Variants in TENM4 observed in about 807,000 individuals in gnomAD.
The protein encoded by TENM4 is teneurin transmembrane protein 4.
In TENM4, 82 loss-of-function variants were observed where a neutral mutation model predicts 243.3. That is an observed-to-expected ratio of 0.34 (90% CI 0.28 to 0.40). TENM4 has a LOEUF of 0.40. TENM4 is among the 10% of genes least tolerant of loss of function. The probability of loss-of-function intolerance (pLI) is 1.00; values close to 1 mark genes in which losing one functional copy is unlikely to be tolerated. For synonymous variants in TENM4, 1,412 were observed against 1,456.3 expected, an observed-to-expected ratio of 0.97 and a Z score of 0.69; for missense variants, 3,138 against 3,673.3, an observed-to-expected ratio of 0.85 and a Z score of 3.77.
intron 3 of TENM4, among the ~76,000 whole-genome samples, chr11:79,189,830 T>G (rs1365531141): frequency 6.6e-6 from 1 of 152,222 alleles, no homozygotes; most frequent in African/African-American, 2.4e-5. Context: ...CCTGCTGGTT[T>G]TGCCAACTCA....
intron 6 of TENM4, among the ~76,000 whole-genome samples, chr11:78,974,000 G>A (rs1857599323): frequency 6.6e-6 from 1 of 152,064 alleles, no homozygotes; most frequent in Non-Finnish European, 1.5e-5. Context: ...CTAAGGGACA[G>A]CAAGGAAGCT....
intron 20 of TENM4, among the ~76,000 whole-genome samples, chr11:78,733,393 G>T (rs544808113): frequency 6.6e-6 from 1 of 152,170 alleles, no homozygotes; most frequent in Non-Finnish European, 1.5e-5. Flanking sequence ...AAATGGGTTT[G>T]CTCTATGATG....
intron 2 of TENM4, among the ~76,000 whole-genome samples, chr11:79,254,318 G>A (rs1429246613): frequency 6.6e-6 from 1 of 152,200 alleles, no homozygotes; most frequent in Non-Finnish European, 1.5e-5. Context: ...AAAATATGCA[G>A]CAGTTAACAA....
At chr11:78,879,295 G>A (rs7120358) in intron 9 of TENM4, among the ~76,000 whole-genome samples, 30,123 of 105,968 alleles carry the variant, frequency 0.28, 2,033 homozygotes, top group Middle Eastern at 0.36. Context: ...TGTGAGGAGC[G>A]CCTTTGCCCA....
intron 28 of TENM4, among the ~76,000 whole-genome samples, chr11:78,689,591 C>T (rs1366720761): frequency 6.6e-6 from 1 of 152,142 alleles, no homozygotes; most frequent in Non-Finnish European, 1.5e-5. Context: ...TGTCCAGGCT[C>T]TTCCTTCAGC....
At chr11:79,392,811 A>G (rs1858263467) in intron 1 of TENM4, among the ~76,000 whole-genome samples, 1 of 152,198 alleles carries the variant, frequency 6.6e-6, no homozygotes. Context: ...TGCTTCAGTC[A>G]CCCATCCTGA....
At chr11:79,153,532 C>G (rs2135063240) in intron 3 of TENM4, among the ~76,000 whole-genome samples, 1 of 152,286 alleles carries the variant, frequency 6.6e-6, no homozygotes, top group South Asian at 2.1e-4. Context: ...GACAACCTGT[C>G]TCCCTTCTCT....
chr11:79,297,447 G>A (rs1282159400), intron 2 of TENM4, 41 bp downstream of exon 2: 1 of 152,674 alleles, frequency 6.5e-6, no homozygotes, highest in African/African-American at 2.4e-5. Context: ...CAGACTAGAA[G>A]CATATCTTGT....
intron 4 of TENM4, among the ~76,000 whole-genome samples, chr11:79,112,041 G>A (rs1244603937): frequency 6.6e-6 from 1 of 152,174 alleles, no homozygotes; most frequent in African/African-American, 2.4e-5. Context: ...GTGATGAAGA[G>A]GCTGCAGAAG....
intron 1 of TENM4, among the ~76,000 whole-genome samples, chr11:79,382,358 T>C (rs1858022388): frequency 6.6e-6 from 1 of 152,154 alleles, no homozygotes; most frequent in African/African-American, 2.4e-5. Flanking sequence ...CTGTCTTGTG[T>C]TTCTTTTCCT....
At chr11:79,288,518 G>A (rs144664392) in intron 2 of TENM4, among the ~76,000 whole-genome samples, 1 of 152,236 alleles carries the variant, frequency 6.6e-6, no homozygotes, top group Non-Finnish European at 1.5e-5. Flanking sequence ...TCAGTAAAGA[G>A]AATCTGGATT....
chr11:79,263,046 G>T (rs1453821488), intron 2 of TENM4, among the ~76,000 whole-genome samples: 1 of 152,230 alleles, frequency 6.6e-6, no homozygotes, highest in South Asian at 2.1e-4. Context: ...AGTGGCGAGA[G>T]GAAGATGGAA....
intron 6 of TENM4, among the ~76,000 whole-genome samples, chr11:78,943,932 A>T (rs77358171): frequency 6.6e-6 from 1 of 152,226 alleles, no homozygotes; most frequent in African/African-American, 2.4e-5. Context: ...AGGTGTGTGT[A>T]TAACGTGCCT....
intron 30 of TENM4, among the ~76,000 whole-genome samples, chr11:78,674,954 C>T (rs1372014180): frequency 1.3e-5 from 2 of 152,036 alleles, no homozygotes; most frequent in African/African-American, 4.8e-5. Context: ...CAACCTCTGC[C>T]TCCCAGGTTC....
At chr11:78,712,802 G>T in intron 25 of TENM4, 88 bp from the exon 26 acceptor site, 1 of 1,244,018 alleles carries the variant, frequency 8.0e-7, no homozygotes, top group Non-Finnish European at 1.1e-6. Context: ...TGGCCCTTTA[G>T]AATCCAAGCA....
chr11:78,885,290 T>C (rs1855525994), intron 9 of TENM4, among the ~76,000 whole-genome samples: 1 of 152,206 alleles, frequency 6.6e-6, no homozygotes, highest in Admixed American at 6.5e-5. Context: ...AGAACTGTAC[T>C]AGGAAGAACT....
intron 2 of TENM4, among the ~76,000 whole-genome samples, chr11:79,263,925 C>T (rs765382881): frequency 2.0e-5 from 3 of 152,198 alleles, no homozygotes; most frequent in Admixed American, 6.5e-5. Flanking sequence ...CGGGGCTTCG[C>T]ATCCCTTGAA....
rs568435430 is a variant in TENM4, at chr11:78,889,910, C to T, written c.959G>A (p.Arg320His). ...VYSPPPRPLP[R>H]STFARPAFNL... ...AAAGGCCGGCCGGGCGAAGGTGCTG[C>T]GGGGCAGGGGTCGGGGCGGAGGAGA... Residue 320 changes from arginine (R) to histidine (H), a missense_variant, in exon 9 of 34, where the codon CGC (arginine) becomes CAC (histidine). Coordinates refer to ENST00000278550, the MANE Select transcript of TENM4 (RefSeq NM_001098816.3). 21 of 1,551,652 alleles carry T rather than the reference C, an allele frequency of 1.4e-5. No homozygotes were observed. In the African/African-American group the frequency reaches 1.9e-4, roughly 14 times the overall value.
chr11:78,863,254 G>A (rs988642977), intron 9 of TENM4, 122 bp from the exon 10 acceptor site: 34 of 1,122,318 alleles, frequency 3.0e-5, no homozygotes, highest in African/African-American at 6.3e-5. Flanking sequence ...TCAACAAGTA[G>A]CCCCAAAAGG....
Sources: gnomAD v4.1 joint callset for allele counts (sites outside exome capture counted in the v4.1 genomes callset) on GRCh38, gnomAD v4.1.1 for gene constraint, MANE v1.5 for transcripts, NCBI Gene and HGNC (gene_info 2026-07-23, HGNC 2026-07-21) for gene names.